Variants in GRAMD2B observed in about 807,000 individuals in gnomAD.
The protein encoded by GRAMD2B is GRAM domain containing 2B.
In GRAMD2B, 41 loss-of-function variants were observed where a neutral mutation model predicts 59.2. That is an observed-to-expected ratio of 0.69 (90% CI 0.54 to 0.90). The LOEUF (loss-of-function observed/expected upper bound fraction) is 0.90, where lower values mean the gene tolerates loss of function less well. Among genes scored for constraint, GRAMD2B ranks in the 40% least tolerant of loss-of-function variants. GRAMD2B has a pLI of 0.00. For synonymous variants in GRAMD2B, 161 were observed against 182.7 expected, an observed-to-expected ratio of 0.88 and a Z score of 0.96; for missense variants, 424 against 500.5, an observed-to-expected ratio of 0.85 and a Z score of 1.46.
chr5:126,365,948 C>CA lies in GRAMD2B; in HGVS notation c.128+5496dup, dbSNP rs1331407258. Reference sequence around the variant, plus strand: ...TATATCTTAAAGCCCCAAATGCACACAAAAAAAGAAAGATTATCTAAAGTC... The same window carrying CA: ...TATATCTTAAAGCCCCAAATGCACACAAAAAAAAGAAAGATTATCTAAAGTC... On this transcript the variant is annotated intron_variant, in intron 1 of 13. Transcript: ENST00000513040. Among the ~76,000 whole-genome samples, 5 of 151,882 alleles carry CA rather than the reference C, an allele frequency of 3.3e-5. No individual in the cohort carries two copies. The East Asian group carries it at 9.7e-4, about 29-fold the overall frequency.
At chr5:126,385,796 G>C (rs1052887047) in intron 1 of GRAMD2B, among the ~76,000 whole-genome samples, 7 of 152,198 alleles carry the variant, frequency 4.6e-5, no homozygotes, top group African/African-American at 1.4e-4. Flanking sequence ...GGGAGCAATG[G>C]GGGGTGCAAC....
At chr5:126,417,434 C>A (rs201267984) in intron 1 of GRAMD2B, among the ~76,000 whole-genome samples, 1 of 152,232 alleles carries the variant, frequency 6.6e-6, no homozygotes, top group East Asian at 1.9e-4. Flanking sequence ...TAGCCTTCAG[C>A]TCTTCCAGCC....
At chr5:126,388,780 C>A (rs1042942187) in intron 1 of GRAMD2B, among the ~76,000 whole-genome samples, 1 of 151,562 alleles carries the variant, frequency 6.6e-6, no homozygotes, top group Non-Finnish European at 1.5e-5. Flanking sequence ...CCTATTGAAT[C>A]TTTTAGTTAT....
intron 1 of GRAMD2B, among the ~76,000 whole-genome samples, chr5:126,451,705 A>G (rs895212253): frequency 2.0e-5 from 3 of 152,158 alleles, no homozygotes; most frequent in Non-Finnish European, 2.9e-5. Context: ...CAGCGGCAGA[A>G]TGATATGGTT....
At chr5:126,483,416 T>G in intron 8 of GRAMD2B, 47 bp from the exon 9 acceptor site, 1 of 1,195,358 alleles carries the variant, frequency 8.4e-7, no homozygotes, top group Non-Finnish European at 1.2e-6. Context: ...GCCTGCCTGT[T>G]TACTAAGGGA....
chr5:126,458,307 C>T (rs1039118362), intron 1 of GRAMD2B, among the ~76,000 whole-genome samples: 5 of 152,014 alleles, frequency 3.3e-5, no homozygotes, highest in East Asian at 1.9e-4. Flanking sequence ...TGGTGTTGTG[C>T]GCCTGTAATC....
chr5:126,476,169 A>T (rs1748470687), intron 5 of GRAMD2B, among the ~76,000 whole-genome samples: 1 of 152,176 alleles, frequency 6.6e-6, no homozygotes, highest in South Asian at 2.1e-4. Context: ...GCTACTCAGG[A>T]GGCTGAGGCA....
At chr5:126,426,241 T>C (rs1006181513) in intron 1 of GRAMD2B, among the ~76,000 whole-genome samples, 2 of 152,170 alleles carry the variant, frequency 1.3e-5, no homozygotes, top group African/African-American at 2.4e-5. Flanking sequence ...ATGCCAAACA[T>C]AGGAGCAAAT....
chr5:126,402,675 T>C (rs957346332), intron 1 of GRAMD2B, among the ~76,000 whole-genome samples: 1 of 152,094 alleles, frequency 6.6e-6, no homozygotes, highest in Admixed American at 6.6e-5. Context: ...ATTTATGTGA[T>C]GTAAGGCTAT....
rs540592499 is a variant in GRAMD2B, at chr5:126,471,460, A to G, written c.316-778A>G. ...GCTGGCTATCCATTGTTATTGTCAC[A>G]GTTGTGAAAACAGATCCCTTGAGGA... is the stretch of plus-strand genomic sequence containing the variant. On this transcript the variant is annotated intron_variant, in intron 3 of 13. Transcript: ENST00000285689. 1.6e-3 allele frequency among the ~76,000 whole-genome samples: 242 copies of G among 152,332 alleles called. 1 individual carries two copies. The highest frequency in any genetic ancestry group is 2.3e-3 in the Non-Finnish European group (156 of 68,026).
chr5:126,404,141 T>C (rs1275533314), intron 1 of GRAMD2B, among the ~76,000 whole-genome samples: 2 of 151,852 alleles, frequency 1.3e-5, no homozygotes, highest in African/African-American at 4.8e-5. Context: ...CAAAAGACAA[T>C]AGCTACCTCC....
chr5:126,462,156 C>CTCT (rs1454196161), intron 1 of GRAMD2B, among the ~76,000 whole-genome samples: 1 of 152,148 alleles, frequency 6.6e-6, no homozygotes. Flanking sequence ...TTTCAGTTGA[C>CTCT]TCTTTTAGTC....
At chr5:126,402,298 C>A (rs1393557886) in intron 1 of GRAMD2B, among the ~76,000 whole-genome samples, 2 of 152,074 alleles carry the variant, frequency 1.3e-5, no homozygotes, top group Non-Finnish European at 2.9e-5. Flanking sequence ...GTGTACCATT[C>A]TTTTAGCCAA....
chr5:126,423,431 C>T lies in GRAMD2B; in HGVS notation c.-176C>T. 3 of 1,404,760 alleles carry T rather than the reference C, an allele frequency of 2.1e-6. No homozygotes were observed. The South Asian group carries it at 5.0e-5, about 24-fold the overall frequency. The allele number at this position is 1,404,760 out of a possible 1,614,324, so 87.0% of individuals were successfully genotyped here. A position where few individuals can be genotyped will look rare whatever the true frequency, so the allele number is the denominator to read the frequency against. On this transcript the variant is annotated 5_prime_UTR_variant, in exon 1 of 14. Transcript: ENST00000285689. ...ACCAATCGCGCCCGCTCCGACGTGT[C>T]CAGGTCCGCGGCCCCGGGAGCTTGG...
intron 1 of GRAMD2B, among the ~76,000 whole-genome samples, chr5:126,456,385 GT>G (rs11333634): frequency 0.36 from 54,684 of 150,482 alleles, 10,334 homozygotes; most frequent in East Asian, 0.6. Context: ...TAAATTTTTT[GT>G]TTTTTTTTGT....
At chr5:126,483,621 A>G in intron 9 of GRAMD2B, 47 bp downstream of exon 9, 1 of 1,011,886 alleles carries the variant, frequency 9.9e-7, no homozygotes, top group Non-Finnish European at 1.5e-6. Context: ...TCCCCTCAAA[A>G]CATCCTCACC....
chr5:126,463,407 C>T (rs1167506964), intron 1 of GRAMD2B, among the ~76,000 whole-genome samples: 2 of 151,724 alleles, frequency 1.3e-5, no homozygotes, highest in Non-Finnish European at 2.9e-5. Flanking sequence ...TTGGGGGAAG[C>T]GAAAAAAGGC....
At chr5:126,446,249 T>C (rs1323296933) in intron 1 of GRAMD2B, among the ~76,000 whole-genome samples, 1 of 152,146 alleles carries the variant, frequency 6.6e-6, no homozygotes, top group African/African-American at 2.4e-5. Context: ...GATGAAAAGA[T>C]AGTGTGGTCT....
At chr5:126,429,623 C>T (rs1761230636) in intron 1 of GRAMD2B, among the ~76,000 whole-genome samples, 1 of 152,054 alleles carries the variant, frequency 6.6e-6, no homozygotes, top group Non-Finnish European at 1.5e-5. Context: ...CTGTATTAGA[C>T]CTCACTTTTT....
Sources: allele counts gnomAD v4.1 joint callset (sites outside exome capture counted in the v4.1 genomes callset), GRCh38; gene constraint gnomAD v4.1.1; transcripts MANE v1.5; gene names NCBI Gene and HGNC (gene_info 2026-07-23, HGNC 2026-07-21).